The following TRIO variants were observed in gnomAD, a reference collection of about 807,000 sequenced individuals.
TRIO encodes the protein trio Rho guanine nucleotide exchange factor, also known as triple functional domain protein.
Under a neutral mutation model 351.9 loss-of-function variants are expected in TRIO, and 58 were observed. The observed-to-expected ratio is 0.16, with a 90% CI of 0.13 to 0.21. TRIO has a LOEUF of 0.21. Among genes scored for constraint, TRIO ranks in the 10% least tolerant of loss-of-function variants. The probability of loss-of-function intolerance (pLI) is 1.00; values close to 1 mark genes in which losing one functional copy is unlikely to be tolerated. For synonymous variants in TRIO, 1,758 were observed against 1,595.7 expected (o/e 1.10, Z -2.42); for missense variants, 3,201 against 4,027.8 (o/e 0.79, Z 5.56).
In TRIO at chr5:14,497,513, G is replaced by T. The variant is rs554182373; in HGVS notation, c.8020-334G>T. 6.6e-6 allele frequency among the ~76,000 whole-genome samples: 1 copy of T among 152,294 alleles called. No individual in the cohort carries two copies. The highest frequency in any genetic ancestry group is 2.1e-4 in the South Asian group (1 of 4,826). The stretch of plus-strand genomic sequence containing the variant: ...TGGGGGTTGCCTGGAGAAAAAGAAG[G>T]TATCTCCTGAAAGGGACTCTGAGCG... On this transcript the variant is annotated intron_variant, in intron 50 of 56. Transcript: ENST00000344204. This position sits in a 1 kb window ranked among gnomAD's most constrained non-coding sequence, Gnocchi z 4.4.
At chr5:14,405,768 T>G (rs1328606557) in intron 31 of TRIO, 80 bp from the exon 32 acceptor site, 2 of 1,472,842 alleles carry the variant, frequency 1.4e-6, no homozygotes, top group East Asian at 4.6e-5. Flanking sequence ...ACTCAAGGAA[T>G]GCAGGAAACC....
intron 1 of TRIO, among the ~76,000 whole-genome samples, chr5:14,161,962 G>A (rs1788482668): frequency 6.6e-6 from 1 of 152,160 alleles, no homozygotes; most frequent in African/African-American, 2.4e-5. Flanking sequence ...CCAGCCATCT[G>A]CCTGTCTTGG....
At chr5:14,179,039 A>G (rs1581283294) in intron 1 of TRIO, among the ~76,000 whole-genome samples, 2 of 151,830 alleles carry the variant, frequency 1.3e-5, no homozygotes, top group Admixed American at 1.3e-4. Flanking sequence ...TACTCCCCCC[A>G]CCCCCGCAGA....
chr5:14,152,514 C>T (rs1034830972), intron 1 of TRIO, among the ~76,000 whole-genome samples: 9 of 152,280 alleles, frequency 5.9e-5, no homozygotes, highest in Non-Finnish European at 1.0e-4. Context: ...GGATTACAGG[C>T]GCCCGCCACC....
rs61736757 is a variant in TRIO at position 14,291,035 on chromosome 5, A to G, written c.860A>G (p.Gln287Arg). 6.2e-7 allele frequency: 1 copy of G among 1,614,232 alleles called. No individual in the cohort carries two copies. The highest frequency in any genetic ancestry group is 1.7e-5 in the Admixed American group (1 of 60,028). The part of the protein sequence containing the change: ...LEGQKLLQRI[Q>R]SSESFPKKNS... The stretch of plus-strand genomic sequence containing the variant: ...GGACAGAAGCTGCTTCAGAGGATAC[A>G]GAGCAGTGAAAGCTTTCCCAAAAAG... The change falls in exon 5 of 57, where the codon CAG becomes CGG. Residue 287 changes from glutamine (Q) to arginine (R), a missense_variant. Physicochemically the swap from Gln to Arg is conservative, Grantham distance 43 (BLOSUM62 1). Transcript: ENST00000344204.
At chr5:14,369,160 A>G (rs779281848) in intron 17 of TRIO, among the ~76,000 whole-genome samples, 3 of 152,138 alleles carry the variant, frequency 2.0e-5, no homozygotes, top group Non-Finnish European at 2.9e-5. Flanking sequence ...GAGAGACAGG[A>G]TATTTGCTTT....
chr5:14,407,299 C>G (rs1412298234), intron 33 of TRIO, among the ~76,000 whole-genome samples: 1 of 152,182 alleles, frequency 6.6e-6, no homozygotes, highest in Non-Finnish European at 1.5e-5. Context: ...AGTTGTCACT[C>G]TGGCATATCT....
rs1413581372 is a variant in TRIO, at chr5:14,509,328, TAATA to T, written c.*911_*914del. ...TTTATGAAGACCTCTGTTGTACCTG[TAATA>T]AATATATAGAAAAAGCACATACTTC... On this transcript the variant is annotated 3_prime_UTR_variant, in exon 57 of 57. Coordinates refer to ENST00000344204, the MANE Select transcript of TRIO (RefSeq NM_007118.4). The T allele has an allele frequency of 4.7e-6, 2 of 428,190 alleles. No individual in the cohort carries two copies. Among genetic ancestry groups the T allele is most frequent in the South Asian group, 1.7e-5 (1 of 60,150 alleles). The allele number at this position is 428,190 out of a possible 1,614,324, so 26.5% of individuals were successfully genotyped here. A position where few individuals can be genotyped will look rare whatever the true frequency, so the allele number is the denominator to read the frequency against.
intron 8 of TRIO, among the ~76,000 whole-genome samples, chr5:14,310,919 C>G: frequency 6.6e-6 from 1 of 152,212 alleles, no homozygotes; most frequent in East Asian, 1.9e-4. Context: ...CTCCTGACTT[C>G]AAGTGATCCG....
chr5:14,315,444 G>T (rs191383505), intron 8 of TRIO, among the ~76,000 whole-genome samples: 1 of 151,936 alleles, frequency 6.6e-6, no homozygotes, highest in African/African-American at 2.4e-5. Flanking sequence ...GTAGAGACGG[G>T]GTTTCACCAT....
Position 14,369,479 on chromosome 5 carries a change from C to T in TRIO, c.3172C>T (p.Pro1058Ser). ...GPNSETDHVT[P>S]MISKHLEQKE... ...AAACTCTGAGACGGACCACGTGACG[C>T]CCATGATCAGCAAGCACCTGGAGCA... The change falls in exon 18 of 57, where the codon CCC becomes TCC. Residue 1058 changes from proline (P) to serine (S), a missense_variant. By Grantham distance (74) the Pro-to-Ser change is moderately conservative. Around this residue, in one of 19 missense-constraint regions of TRIO, gnomAD observed 363 missense variants for 553.5 expected, o/e 0.66. Coordinates refer to ENST00000344204, the MANE Select transcript of TRIO (RefSeq NM_007118.4). The T allele has an allele frequency of 6.2e-7, 1 of 1,614,092 alleles. No individual in the cohort carries two copies. The highest frequency in any genetic ancestry group is 8.5e-7 in the Non-Finnish European group (1 of 1,180,014).
intron 23 of TRIO, 76 bp downstream of exon 23, chr5:14,387,923 G>T (rs1746687745): frequency 1.3e-6 from 2 of 1,499,588 alleles, no homozygotes; most frequent in African/African-American, 1.4e-5. Context: ...ACATGCTTCT[G>T]TGTGTGCTTT....
chr5:14,428,162 C>T (rs531504408), intron 34 of TRIO, among the ~76,000 whole-genome samples: 6 of 152,120 alleles, frequency 3.9e-5, no homozygotes, highest in Non-Finnish European at 8.8e-5. Flanking sequence ...ATAACATTTC[C>T]GTGACCTAAT....
intron 13 of TRIO, among the ~76,000 whole-genome samples, chr5:14,362,546 G>A (rs933327499): frequency 6.6e-6 from 1 of 152,154 alleles, no homozygotes; most frequent in African/African-American, 2.4e-5. Flanking sequence ...GGTTGTCAAA[G>A]GAACCAGATC....
chr5:14,383,997 C>A (rs1248707957), intron 21 of TRIO, among the ~76,000 whole-genome samples: 1 of 152,182 alleles, frequency 6.6e-6, no homozygotes, highest in African/African-American at 2.4e-5. Flanking sequence ...CCATCCCCGG[C>A]TCGCTGAGAC....
At chr5:14,163,463 T>TA in intron 1 of TRIO, among the ~76,000 whole-genome samples, 1 of 152,156 alleles carries the variant, frequency 6.6e-6, no homozygotes, top group Non-Finnish European at 1.5e-5. Flanking sequence ...CTCAGCTTCT[T>TA]AAAGTGCTGG....
At position 14,342,974 on chromosome 5, in the gene TRIO, T is replaced by C. The variant is rs138760223; in HGVS notation, c.2046+6247T>C. Among the ~76,000 whole-genome samples the C allele has an allele frequency of 1.4e-4, 22 of 152,138 alleles. 1 individual carries two copies. The East Asian group carries it at 4.2e-3, about 29-fold the overall frequency. On this transcript the variant is annotated intron_variant, in intron 11 of 56. Coordinates refer to ENST00000344204, the MANE Select transcript of TRIO (RefSeq NM_007118.4). ...AAGTTGAAAAATCAAAATCAAGCCA[T>C]CTTAGGTTGAGGACCATTTGTTTGT...
intron 49 of TRIO, among the ~76,000 whole-genome samples, chr5:14,494,304 G>C (rs1031250620): frequency 6.6e-6 from 1 of 152,216 alleles, no homozygotes; most frequent in African/African-American, 2.4e-5. Flanking sequence ...TGCTGTGGTA[G>C]AGGCATCTAC....
intron 48 of TRIO, chr5:14,488,529 C>G (rs546608006): frequency 2.4e-5 from 13 of 539,552 alleles, no homozygotes; most frequent in Non-Finnish European, 4.2e-5. Flanking sequence ...TTCCAACCAG[C>G]AGAATATCTT....
Sources: gnomAD v4.1 joint callset for allele counts (sites outside exome capture counted in the v4.1 genomes callset) on GRCh38, gnomAD v4.1.1 for gene constraint, gnomAD v4.1.1 regional missense constraint, Gnocchi (gnomAD v3.1) non-coding constraint, MANE v1.5 for transcripts, NCBI Gene and HGNC (gene_info 2026-07-23, HGNC 2026-07-21) for gene names.